Variants in TSPAN7 observed in about 807,000 individuals in gnomAD.
TSPAN7 encodes the protein tetraspanin-7.
Under a neutral mutation model 17.6 loss-of-function variants are expected in TSPAN7, and 1 was observed. The ratio of observed to expected loss-of-function variants is 0.06; its 90% CI spans 0.02 to 0.27. The LOEUF is 0.27. TSPAN7 is among the 10% of genes least tolerant of loss of function. TSPAN7 has a pLI of 1.00. For missense variants in TSPAN7, 112 were observed against 201.7 expected, an observed-to-expected ratio of 0.56 and a Z score of 2.69; for synonymous variants, 78 against 79.0, an observed-to-expected ratio of 0.99 and a Z score of 0.07.
At chrX:38,595,997 C>G (rs1412363314) in intron 1 of TSPAN7, among the ~76,000 whole-genome samples, 1 of 111,710 alleles carries the variant, frequency 9.0e-6, no homozygotes, top group East Asian at 2.8e-4. Flanking sequence ...AACTGCTCTT[C>G]TTGCTGGCTC....
chrX:38,562,366 CCGCAG>C (rs2069116356), intron 1 of TSPAN7, among the ~76,000 whole-genome samples: 1 of 111,591 alleles, frequency 9.0e-6, no homozygotes, highest in African/African-American at 3.3e-5. Context: ...TGAGCACAAT[CCGCAG>C]CGCCCTGGCA....
intron 1 of TSPAN7, among the ~76,000 whole-genome samples, chrX:38,664,621 T>C (rs184366422): frequency 1.8e-5 from 2 of 112,554 alleles, no homozygotes; most frequent in East Asian, 5.5e-4. Flanking sequence ...CTCCCAAATA[T>C]TAGTGTCAAA....
intron 2 of TSPAN7, among the ~76,000 whole-genome samples, chrX:38,670,592 A>G (rs978131484): frequency 1.8e-5 from 2 of 112,686 alleles, no homozygotes; most frequent in Non-Finnish European, 3.7e-5. Flanking sequence ...TACTGTGTCC[A>G]GTGATGACCA....
chrX:38,675,556 G>T, intron 4 of TSPAN7, 149 bp from the exon 5 acceptor site: 2 of 622,059 alleles, frequency 3.2e-6, no homozygotes, highest in African/African-American at 2.2e-5. Flanking sequence ...AATTGTTATT[G>T]GAGCTTCCAT....
rs1305183392 is a variant in TSPAN7 at position 38,658,370 on chromosome X, G to A, written c.82-7751G>A. On this transcript the variant is annotated intron_variant, in intron 1 of 7. Transcript: ENST00000378482. ...TAATTTTTTTTTTTTTTTAGAGATG[G>A]GGTCTCACTATGTTGCCCAGGCTGG... Among the ~76,000 whole-genome samples, 4 of 108,320 alleles carry A rather than the reference G, an allele frequency of 3.7e-5. No homozygotes were observed. In the Admixed American group the frequency reaches 3.9e-4, roughly 11 times the overall value. The allele number at this position is 108,320 out of a possible 115,157, so 94.1% of individuals were successfully genotyped here.
intron 1 of TSPAN7, among the ~76,000 whole-genome samples, chrX:38,650,350 T>C (rs1369182336): frequency 1.8e-5 from 2 of 112,281 alleles, no homozygotes; most frequent in Non-Finnish European, 3.8e-5. Context: ...AAAAATAATA[T>C]CAATTGATGT....
chrX:38,569,030 T>C (rs2069156679), intron 1 of TSPAN7, among the ~76,000 whole-genome samples: 1 of 111,749 alleles, frequency 8.9e-6, no homozygotes, highest in South Asian at 3.7e-4. Flanking sequence ...TGCTTCTTCC[T>C]GCATAGTTTC....
At chrX:38,597,420 T>TAGCC (rs2069323833) in intron 1 of TSPAN7, among the ~76,000 whole-genome samples, 1 of 111,446 alleles carries the variant, frequency 9.0e-6, no homozygotes, top group South Asian at 3.7e-4. Context: ...GCTGAAGGGC[T>TAGCC]GTTCAGTGTT....
intron 1 of TSPAN7, chrX:38,623,157 A>G: frequency 3.1e-6 from 1 of 319,783 alleles, no homozygotes; most frequent in African/African-American, 2.6e-5. Context: ...AGCACTTTGT[A>G]AACCCTGAAG....
At chrX:38,593,735 T>C (rs1358178067) in intron 1 of TSPAN7, among the ~76,000 whole-genome samples, 2 of 112,298 alleles carry the variant, frequency 1.8e-5, no homozygotes, top group Non-Finnish European at 1.9e-5. Context: ...CCCTTTGCCA[T>C]GGGATGACAC....
intron 1 of TSPAN7, among the ~76,000 whole-genome samples, chrX:38,571,311 T>A (rs372901494): frequency 1.3e-4 from 15 of 111,277 alleles, no homozygotes; most frequent in African/African-American, 4.9e-4. Flanking sequence ...CTAAAGAAGA[T>A]ACTTAGACCC....
intron 2 of TSPAN7, among the ~76,000 whole-genome samples, chrX:38,670,818 T>C (rs2069817083): frequency 8.9e-6 from 1 of 112,632 alleles, no homozygotes; most frequent in Non-Finnish European, 1.9e-5. Context: ...GGTTCTTATT[T>C]CTTCTGAAAG....
intron 1 of TSPAN7, among the ~76,000 whole-genome samples, chrX:38,592,102 T>G (rs1218975271): frequency 9.0e-6 from 1 of 110,604 alleles, no homozygotes; most frequent in Non-Finnish European, 1.9e-5. Flanking sequence ...CAACCAGATC[T>G]CATGAGAACT....
At chrX:38,613,935 T>C (rs1194479763) in intron 1 of TSPAN7, among the ~76,000 whole-genome samples, 1 of 109,175 alleles carries the variant, frequency 9.2e-6, no homozygotes, top group Non-Finnish European at 1.9e-5. Context: ...AGAGGAGCCC[T>C]GTGCCCATTT....
At chrX:38,612,995 C>G (rs931824974) in intron 1 of TSPAN7, among the ~76,000 whole-genome samples, 5 of 111,840 alleles carry the variant, frequency 4.5e-5, no homozygotes, top group African/African-American at 6.5e-5. Flanking sequence ...CATTCTGACA[C>G]CTCAATTCTT....
At chrX:38,567,538 GAC>G (rs777604426) in intron 1 of TSPAN7, among the ~76,000 whole-genome samples, 1 of 112,335 alleles carries the variant, frequency 8.9e-6, no homozygotes, top group East Asian at 2.8e-4. Context: ...TTTGAGTGGG[GAC>G]ACAGCCAAAC....
intron 6 of TSPAN7, among the ~76,000 whole-genome samples, chrX:38,682,525 T>A (rs1284010279): frequency 8.9e-6 from 1 of 112,738 alleles, no homozygotes; most frequent in African/African-American, 3.2e-5. Flanking sequence ...GTAGAAGAGC[T>A]TTTCTTCTTA....
At chrX:38,650,961 A>G (rs1444409407) in intron 1 of TSPAN7, among the ~76,000 whole-genome samples, 1 of 110,117 alleles carries the variant, frequency 9.1e-6, no homozygotes, top group Non-Finnish European at 1.9e-5. Context: ...GAAACCAAAG[A>G]AAAATGCCCT....
chrX:38,650,889 C>T (rs1288220664), intron 1 of TSPAN7, among the ~76,000 whole-genome samples: 5 of 110,343 alleles, frequency 4.5e-5, no homozygotes, highest in Non-Finnish European at 7.6e-5. Flanking sequence ...TCTCTCTAGC[C>T]GTTTTTACAT....
Sources: allele counts gnomAD v4.1 joint callset (sites outside exome capture counted in the v4.1 genomes callset), GRCh38; gene constraint gnomAD v4.1.1; transcripts MANE v1.5; gene names NCBI Gene and HGNC (gene_info 2026-07-23, HGNC 2026-07-21).